The following SLC26A9 variants were observed in gnomAD, a reference collection of about 807,000 sequenced individuals.
SLC26A9 encodes the protein anion transporter/exchanger protein 9.
Under a neutral mutation model 87.1 loss-of-function variants are expected in SLC26A9, and 46 were observed. That is an observed-to-expected ratio of 0.53 (90% CI 0.42 to 0.67). The LOEUF is 0.67. SLC26A9 is among the 30% of genes least tolerant of loss of function. SLC26A9 has a pLI of 0.00. For synonymous variants in SLC26A9, 437 were observed against 409.1 expected, an observed-to-expected ratio of 1.07 and a Z score of -0.82; for missense variants, 927 against 1,018.3, an observed-to-expected ratio of 0.91 and a Z score of 1.22.
At chr1:205,934,370 C>T (rs577712580) in intron 2 of SLC26A9, among the ~76,000 whole-genome samples, 5 of 152,284 alleles carry the variant, frequency 3.3e-5, no homozygotes, top group African/African-American at 1.2e-4. Context: ...CCTGCAGGGG[C>T]TCCATCAGGT....
At chr1:205,916,691 G>T (rs892049757) in intron 20 of SLC26A9, among the ~76,000 whole-genome samples, 1 of 152,240 alleles carries the variant, frequency 6.6e-6, no homozygotes, top group African/African-American at 2.4e-5. Flanking sequence ...CAGGGTGTAT[G>T]TGGCTTGCTC....
chr1:205,916,177 A>G (rs915333598), intron 20 of SLC26A9, among the ~76,000 whole-genome samples: 2 of 152,170 alleles, frequency 1.3e-5, no homozygotes, highest in Non-Finnish European at 2.9e-5. Context: ...GCTCACTGCA[A>G]CATCTGCCTC....
At chr1:205,919,082 G>A (rs1259948661) in intron 18 of SLC26A9, 97 bp from the exon 19 acceptor site, 13 of 1,482,222 alleles carry the variant, frequency 8.8e-6, no homozygotes, top group Non-Finnish European at 1.2e-5. Context: ...GGATGGGAGA[G>A]GCCTGAGGTC....
Position 205,914,701 on chromosome 1 carries a change from G to T in SLC26A9, c.*656C>A. 1.5e-6 allele frequency: 1 copy of T among 676,518 alleles called. No individual in the cohort carries two copies. The highest frequency in any genetic ancestry group is 3.0e-5 in the Admixed American group (1 of 33,330). 41.9% of individuals were successfully genotyped at this position (676,518 alleles called of 1,614,324 possible). On this transcript the variant is annotated 3_prime_UTR_variant, in exon 21 of 21. Transcript: ENST00000367135. ...CTCGACGGTCCTGGCCACTGTCCAGGCTAGAGTCTGATGTGCTTGCTGACA... is the reference window on the plus strand; with the variant it reads ...CTCGACGGTCCTGGCCACTGTCCAGTCTAGAGTCTGATGTGCTTGCTGACA...
Position 205,915,678 on chromosome 1 carries a change from C to T in SLC26A9, c.2329-274G>A, listed in dbSNP as rs375006031. Among the ~76,000 whole-genome samples the T allele has an allele frequency of 9.9e-5, 15 of 152,218 alleles. No homozygotes were observed. In the East Asian group the frequency reaches 2.9e-3, roughly 29 times the overall value. On this transcript the variant is annotated intron_variant, in intron 20 of 20. Transcript: ENST00000367135. ...GTGCTGTGTGACCTTCCACGTGTCC[C>T]TCGCCCCCTAATAGCTTCACTTTCC...
chr1:205,927,283 G>T lies in SLC26A9; in HGVS notation c.1221C>A (p.Ala407=), dbSNP rs181032712. The T allele has an allele frequency of 1.7e-5, 27 of 1,614,106 alleles. No individual in the cohort carries two copies. The highest frequency in any genetic ancestry group is 1.7e-4 in the Middle Eastern group (1 of 6,060). ...TCACCACCAGAGACACACACAGGCTGGCCACCTATTCCGAGAAAGAGTTGG... is the reference window on the plus strand; with the variant it reads ...TCACCACCAGAGACACACACAGGCTTGCCACCTATTCCGAGAAAGAGTTGG... The part of the protein sequence containing the change: ...VDGAGGKSQV[A]SLCVSLVVMI... The change falls in exon 11 of 21, where the codon GCC becomes GCA. Residue 407 remains alanine, a synonymous_variant. Coordinates refer to ENST00000367135, the MANE Select transcript of SLC26A9 (RefSeq NM_052934.4).
intron 17 of SLC26A9, 117 bp downstream of exon 17, chr1:205,921,449 C>T (rs1321139190): frequency 7.6e-7 from 1 of 1,322,000 alleles, no homozygotes; most frequent in Admixed American, 2.4e-5. Context: ...AGCTGTTAGT[C>T]TCCCCAGTGA....
chr1:205,942,912 C>T (rs1245511756), intron 1 of SLC26A9, among the ~76,000 whole-genome samples: 15 of 152,140 alleles, frequency 9.9e-5, no homozygotes, highest in Admixed American at 4.6e-4. Context: ...GATGTCTGGG[C>T]GGTAGAAGGA....
In SLC26A9 at chr1:205,929,268, A is replaced by G. The variant is rs146945036; in HGVS notation, c.806T>C (p.Val269Ala). The change falls in exon 7 of 21, where the codon GTG becomes GCG. Residue 269 changes from valine to alanine, a missense_variant. Coordinates refer to ENST00000367135, the MANE Select transcript of SLC26A9 (RefSeq NM_052934.4). Reference sequence around the variant, plus strand: ...CATGTAGCGAGCATTGAGCTCCTTCACCAGCACCAGGAAGGCACCGCTGAT... The same window carrying G: ...CATGTAGCGAGCATTGAGCTCCTTCGCCAGCACCAGGAAGGCACCGCTGAT... ...ALISGAFLVL[V>A]KELNARYMHK... 3.1e-6 allele frequency: 5 copies of G among 1,614,078 alleles called. No homozygotes were observed. The African/African-American group carries it at 6.7e-5, about 22-fold the overall frequency.
At chr1:205,927,789 C>A (rs1407369460) in intron 9 of SLC26A9, 113 bp downstream of exon 9, 31 of 1,527,260 alleles carry the variant, frequency 2.0e-5, no homozygotes, top group Middle Eastern at 2.2e-4. Context: ...CTATCCCCCA[C>A]ACTCGAGGCA....
Position 205,921,549 on chromosome 1 carries a change from G to A in SLC26A9, c.2055+17C>T. The A allele has an allele frequency of 1.3e-6, 2 of 1,599,230 alleles. No individual in the cohort carries two copies. The highest frequency in any genetic ancestry group is 1.7e-6 in the Non-Finnish European group (2 of 1,177,044). ...GGGGGTGGAGTGGGTGGTGCTTGCT[G>A]TTCCCGAGGGCCTCACCTTGGCCAG... On this transcript the variant is annotated intron_variant, in intron 17 of 20. Coordinates refer to ENST00000367135, the MANE Select transcript of SLC26A9 (RefSeq NM_052934.4).
At position 205,927,544 on chromosome 1, in the gene SLC26A9, C is replaced by G. The variant is rs1659126126; in HGVS notation, c.1163G>C (p.Cys388Ser). The G allele has an allele frequency of 6.2e-7, 1 of 1,614,106 alleles. No homozygotes were observed. Among genetic ancestry groups the G allele is most frequent in the South Asian group, 1.1e-5 (1 of 91,070 alleles). ...AGCCAGAGTGACAGAAAGCGCACAG[C>G]AAATGACATGAATTTTAAAGAAGGA... ...FGSFFKIHVICCALSVTLAVD... is the reference protein window; with the variant it reads ...FGSFFKIHVISCALSVTLAVD... The change falls in exon 10 of 21, where the codon TGC becomes TCC. Residue 388 changes from cysteine (C) to serine (S), a missense_variant. Cys to Ser is a moderately radical substitution (Grantham distance 112). Transcript: ENST00000367135.
In SLC26A9 at chr1:205,914,937, G is replaced by A; in HGVS notation, c.*420C>T. 1 of 1,614,148 alleles carries A rather than the reference G, an allele frequency of 6.2e-7. No homozygotes were observed. Among genetic ancestry groups the A allele is most frequent in the Non-Finnish European group, 8.5e-7 (1 of 1,180,018 alleles). On this transcript the variant is annotated 3_prime_UTR_variant, in exon 21 of 21. Transcript: ENST00000367135. ...CACCATCTGACACCGAGCCGTGTGG[G>A]CTCTGGGACACTTTTTGAAGCTTGT...
At chr1:205,936,344 G>A (rs1373648910) in intron 1 of SLC26A9, among the ~76,000 whole-genome samples, 1 of 152,170 alleles carries the variant, frequency 6.6e-6, no homozygotes, top group Non-Finnish European at 1.5e-5. Context: ...ACCTCAAGAG[G>A]ACCCTTCTTG....
chr1:205,924,618 A>C (rs1658992289), intron 12 of SLC26A9, 129 bp from the exon 13 acceptor site: 1 of 718,068 alleles, frequency 1.4e-6, no homozygotes, highest in East Asian at 2.9e-5. Context: ...TTTTTTCTTT[A>C]AATAGCATTT....
At chr1:205,934,561 A>ACATTCATT (rs373462472) in intron 2 of SLC26A9, among the ~76,000 whole-genome samples, 1 of 152,220 alleles carries the variant, frequency 6.6e-6, no homozygotes, top group African/African-American at 2.4e-5. Context: ...AGCTTTCTAG[A>ACATTCATT]CATTCATTCA....
intron 10 of SLC26A9, 54 bp downstream of exon 10, chr1:205,927,438 T>TG: frequency 6.3e-7 from 1 of 1,583,986 alleles, no homozygotes; most frequent in African/African-American, 1.3e-5. Flanking sequence ...CAGGCTTTTT[T>TG]GGGGCAACTG....
intron 20 of SLC26A9, among the ~76,000 whole-genome samples, chr1:205,915,958 A>G (rs939010372): frequency 1.3e-5 from 2 of 152,152 alleles, no homozygotes; most frequent in African/African-American, 2.4e-5. Flanking sequence ...ACAAAGAGAG[A>G]CACTACTTCT....
rs1658710595 is a variant in SLC26A9 at position 205,918,968 on chromosome 1, T to C, written c.2128A>G (p.Ile710Val). 2.5e-6 allele frequency: 4 copies of C among 1,614,034 alleles called. No homozygotes were observed. The highest frequency in any genetic ancestry group is 2.7e-5 in the African/African-American group (2 of 74,920). The change falls in exon 19 of 21, where the codon ATT (isoleucine) becomes GTT (valine). Residue 710 changes from isoleucine to valine, a missense_variant. Ile to Val is a conservative substitution (Grantham distance 29). Coordinates refer to ENST00000367135, the MANE Select transcript of SLC26A9 (RefSeq NM_052934.4). Reference sequence around the variant, plus strand: ...TCCTCAAAGACGCCTCCATGGCTAATGTCATTGTACACCTGGGCTAGAAGG... The same window carrying C: ...TCCTCAAAGACGCCTCCATGGCTAACGTCATTGTACACCTGGGCTAGAAGG... ...VNIHAQVYND[I>V]SHGGVFEDGS...
Sources: allele counts gnomAD v4.1 joint callset (sites outside exome capture counted in the v4.1 genomes callset), GRCh38; gene constraint gnomAD v4.1.1; transcripts MANE v1.5; gene names NCBI Gene and HGNC (gene_info 2026-07-23, HGNC 2026-07-21).